The following SLC9A9 variants were observed in gnomAD, a reference collection of about 807,000 sequenced individuals.
SLC9A9 encodes sodium/hydrogen exchanger 9.
Under a neutral mutation model 77.8 loss-of-function variants are expected in SLC9A9, and 62 were observed. The ratio of observed to expected loss-of-function variants is 0.80; its 90% CI spans 0.65 to 0.98. The LOEUF is 0.98. SLC9A9 is among the 50% of genes least tolerant of loss of function. SLC9A9 has a pLI of 0.00. For missense variants in SLC9A9, 775 were observed against 774.9 expected, an observed-to-expected ratio of 1.00 and a Z score of 0.00; for synonymous variants, 320 against 283.5, an observed-to-expected ratio of 1.13 and a Z score of -1.29.
At chr3:143,413,766 A>G (rs1043645704) in intron 12 of SLC9A9, among the ~76,000 whole-genome samples, 1 of 145,358 alleles carries the variant, frequency 6.9e-6, no homozygotes, top group Non-Finnish European at 1.5e-5. Flanking sequence ...AAGTACAGAG[A>G]TCAGTATTAT....
chr3:143,371,984 T>A (rs1455823132), intron 13 of SLC9A9: 2 of 416,038 alleles, frequency 4.8e-6, no homozygotes, highest in Non-Finnish European at 9.6e-6. Context: ...CAAAGAAAGA[T>A]AAAATACCTA....
intron 4 of SLC9A9, among the ~76,000 whole-genome samples, chr3:143,753,035 A>G (rs555951878): frequency 6.6e-6 from 1 of 152,360 alleles, no homozygotes; most frequent in Admixed American, 6.5e-5. Context: ...CCCAGAAAGC[A>G]GCCAATGAAA....
At chr3:143,275,961 TCA>T (rs1227647380) in intron 14 of SLC9A9, among the ~76,000 whole-genome samples, 1 of 152,240 alleles carries the variant, frequency 6.6e-6, no homozygotes, top group Non-Finnish European at 1.5e-5. Flanking sequence ...GGTTGTTTTT[TCA>T]CAGTGTGAAA....
At chr3:143,815,525 A>G (rs1403006311) in intron 2 of SLC9A9, among the ~76,000 whole-genome samples, 1 of 151,798 alleles carries the variant, frequency 6.6e-6, no homozygotes, top group Non-Finnish European at 1.5e-5. Context: ...TTTTCTTTGA[A>G]TGAAGGGCTT....
intron 12 of SLC9A9, among the ~76,000 whole-genome samples, chr3:143,430,105 C>T (rs1198441792): frequency 6.6e-6 from 1 of 152,162 alleles, no homozygotes; most frequent in Non-Finnish European, 1.5e-5. Context: ...CATTTTCAGT[C>T]TTATCAGTTG....
intron 4 of SLC9A9, among the ~76,000 whole-genome samples, chr3:143,714,381 C>A (rs1055873814): frequency 9.9e-5 from 15 of 152,198 alleles, no homozygotes; most frequent in African/African-American, 3.6e-4. Context: ...CTGGACACAT[C>A]CCTACCTCCT....
chr3:143,840,694 A>AG, intron 1 of SLC9A9, among the ~76,000 whole-genome samples: 3 of 152,122 alleles, frequency 2.0e-5, no homozygotes, highest in African/African-American at 7.3e-5. Context: ...GTAGAGAAGA[A>AG]ACTTAACTAC....
intron 14 of SLC9A9, among the ~76,000 whole-genome samples, chr3:143,326,484 G>T (rs2031605864): frequency 1.3e-5 from 2 of 151,954 alleles, no homozygotes; most frequent in African/African-American, 4.8e-5. Flanking sequence ...AGCCACACTG[G>T]CCTTCTTTCT....
At chr3:143,324,204 C>T (rs917231191) in intron 14 of SLC9A9, among the ~76,000 whole-genome samples, 1 of 151,314 alleles carries the variant, frequency 6.6e-6, no homozygotes, top group Admixed American at 6.6e-5. Flanking sequence ...GAACAAGAGC[C>T]ACTGAATTAG....
chr3:143,383,650 CAG>C (rs1054482940), intron 12 of SLC9A9, among the ~76,000 whole-genome samples: 1 of 152,196 alleles, frequency 6.6e-6, no homozygotes, highest in African/African-American at 2.4e-5. Context: ...CCTCTGTTTC[CAG>C]AGAGAGTCCC....
intron 6 of SLC9A9, among the ~76,000 whole-genome samples, chr3:143,584,263 A>G (rs941200151): frequency 2.8e-4 from 42 of 152,020 alleles, no homozygotes; most frequent in African/African-American, 9.7e-4. Flanking sequence ...TTTGCCGCAC[A>G]GTTACCCACA....
At chr3:143,346,332 A>C (rs2032272806) in intron 14 of SLC9A9, among the ~76,000 whole-genome samples, 1 of 152,234 alleles carries the variant, frequency 6.6e-6, no homozygotes, top group Non-Finnish European at 1.5e-5. Flanking sequence ...ACCTCCTTAA[A>C]TTTTCCCATT....
chr3:143,433,378 C>T (rs111349998), intron 12 of SLC9A9, among the ~76,000 whole-genome samples: 4,314 of 152,254 alleles, frequency 0.028, 218 homozygotes, highest in African/African-American at 0.099. Flanking sequence ...TTTGACTCTG[C>T]TTATCTCTTC....
chr3:143,422,103 C>T (rs2034310464), intron 12 of SLC9A9, among the ~76,000 whole-genome samples: 2 of 152,204 alleles, frequency 1.3e-5, no homozygotes, highest in East Asian at 1.9e-4. Context: ...AAAACAGATG[C>T]TGGCAAGGGT....
intron 11 of SLC9A9, among the ~76,000 whole-genome samples, chr3:143,492,625 A>C (rs1315463895): frequency 6.6e-6 from 1 of 152,150 alleles, no homozygotes; most frequent in Non-Finnish European, 1.5e-5. Flanking sequence ...TTTGTTCTTG[A>C]CCAAGTTTCA....
intron 4 of SLC9A9, among the ~76,000 whole-genome samples, chr3:143,781,047 C>T (rs2007856188): frequency 6.6e-6 from 1 of 152,140 alleles, no homozygotes. Context: ...TCTCTCACCC[C>T]ATTTCCTCTA....
chr3:143,549,271 G>A (rs184880905), intron 9 of SLC9A9, among the ~76,000 whole-genome samples: 21 of 152,276 alleles, frequency 1.4e-4, no homozygotes, highest in African/African-American at 4.8e-4. Context: ...GCCTCTGACT[G>A]CACTCTTTCA....
intron 4 of SLC9A9, among the ~76,000 whole-genome samples, chr3:143,731,283 G>T (rs1322521937): frequency 6.6e-6 from 1 of 152,214 alleles, no homozygotes; most frequent in South Asian, 2.1e-4. Flanking sequence ...AGGAAGAAAG[G>T]TTGCTGAGTA....
intron 5 of SLC9A9, among the ~76,000 whole-genome samples, chr3:143,655,877 T>C (rs1442640446): frequency 6.6e-6 from 1 of 152,110 alleles, no homozygotes; most frequent in Admixed American, 6.6e-5. Context: ...TCTGAGAAGC[T>C]TTTGATAAAG....
Sources: gnomAD v4.1 joint callset for allele counts (sites outside exome capture counted in the v4.1 genomes callset) on GRCh38, gnomAD v4.1.1 for gene constraint, MANE v1.5 for transcripts, NCBI Gene and HGNC (gene_info 2026-07-23, HGNC 2026-07-21) for gene names.